LARGE1: variants seen among roughly 807,000 people sequenced by gnomAD.
LARGE1 encodes the protein xylosyl- and glucuronyltransferase LARGE1.
In LARGE1, 43 loss-of-function variants were observed where a neutral mutation model predicts 87.6. That is an observed-to-expected ratio of 0.49 (90% CI 0.38 to 0.63). LARGE1 has a LOEUF of 0.63. Ranked by LOEUF, LARGE1 falls within the 30% of genes least tolerant of loss-of-function variation. LARGE1 has a pLI of 0.00. For synonymous variants in LARGE1, 434 were observed against 394.6 expected, an observed-to-expected ratio of 1.10 and a Z score of -1.18; for missense variants, 802 against 1,000.2, an observed-to-expected ratio of 0.80 and a Z score of 2.67.
chr22:33,625,987 G>A (rs1324049056), intron 4 of LARGE1, among the ~76,000 whole-genome samples: 2 of 152,208 alleles, frequency 1.3e-5, no homozygotes, highest in African/African-American at 4.8e-5. Context: ...AGAGACTGAA[G>A]CATCAGATTT....
chr22:33,747,213 G>C (rs78592517), intron 2 of LARGE1, among the ~76,000 whole-genome samples: 6,193 of 152,216 alleles, frequency 0.041, 426 homozygotes, highest in African/African-American at 0.14. Flanking sequence ...TTCCCGAGGA[G>C]AGGAGAGCAA....
chr22:33,621,002 G>A (rs1347478482), intron 4 of LARGE1, among the ~76,000 whole-genome samples: 1 of 152,066 alleles, frequency 6.6e-6, no homozygotes, highest in Non-Finnish European at 1.5e-5. Context: ...TGTATTTTCT[G>A]CTAGTCTGCA....
At chr22:33,757,672 T>C (rs755912047) in intron 2 of LARGE1, among the ~76,000 whole-genome samples, 5 of 152,136 alleles carry the variant, frequency 3.3e-5, no homozygotes, top group Non-Finnish European at 5.9e-5. Flanking sequence ...AGTCAAAAAA[T>C]AAATAAACCC....
At chr22:33,878,129 C>CTTTTTTTTTTTTTTTTTTTTTTTTGTTTT (rs2064535576) in intron 1 of LARGE1, among the ~76,000 whole-genome samples, 1 of 44,652 alleles carries the variant, frequency 2.2e-5, no homozygotes, top group Non-Finnish European at 5.1e-5. Context: ...TATTGTATTT[C>CTTTTTTTTTTTTTTTTTTTTTTTTGTTTT]TTTTTTTTTT....
chr22:33,351,618 C>A (rs1306052076), intron 9 of LARGE1, among the ~76,000 whole-genome samples: 2 of 151,852 alleles, frequency 1.3e-5, no homozygotes, highest in South Asian at 2.1e-4. Context: ...TCTTTAATTA[C>A]AGAGAAATTC....
rs556309372 is a variant in LARGE1, at chr22:33,722,647, C to T, written c.106+38724G>A. ...TCCAACAGAGTCACAGCAGAAGGCACGTTATAGTAAGTCACCCAATGGAGG... is the reference window on the plus strand; with the variant it reads ...TCCAACAGAGTCACAGCAGAAGGCATGTTATAGTAAGTCACCCAATGGAGG... On this transcript the variant is annotated intron_variant, in intron 2 of 14. Coordinates refer to ENST00000397394, the MANE Select transcript of LARGE1 (RefSeq NM_133642.5). Among the ~76,000 whole-genome samples, 46 of 151,950 alleles carry T rather than the reference C, an allele frequency of 3.0e-4. No homozygotes were observed. The South Asian group carries it at 8.8e-3, about 29-fold the overall frequency.
chr22:33,094,571 T>C, the LARGE1 span, among the ~76,000 whole-genome samples: 4 of 152,116 alleles, frequency 2.6e-5, no homozygotes, highest in Non-Finnish European at 4.4e-5. Flanking sequence ...CTTGACATAA[T>C]GCCTTTCTCT....
At chr22:33,216,523 G>A (rs1346595441) in intron 11 of LARGE1, among the ~76,000 whole-genome samples, 1 of 151,612 alleles carries the variant, frequency 6.6e-6, no homozygotes, top group African/African-American at 2.4e-5. Flanking sequence ...CAGCTACTTG[G>A]GAGACTGAGG....
intron 1 of LARGE1, among the ~76,000 whole-genome samples, chr22:33,838,465 C>T (rs889391847): frequency 4.6e-5 from 7 of 152,032 alleles, no homozygotes; most frequent in Admixed American, 3.3e-4. Flanking sequence ...AGGGCAAGAC[C>T]CCATCTCTAC....
intron 6 of LARGE1, among the ~76,000 whole-genome samples, chr22:33,487,897 A>C (rs1159313698): frequency 6.6e-6 from 1 of 152,190 alleles, no homozygotes; most frequent in East Asian, 1.9e-4. Context: ...AATATTAAAT[A>C]ATTGTTATCA....
At chr22:33,121,709 A>C in the LARGE1 span, among the ~76,000 whole-genome samples, 1 of 152,170 alleles carries the variant, frequency 6.6e-6, no homozygotes, top group Non-Finnish European at 1.5e-5. Context: ...CTGTTCTTAC[A>C]CTGCTAATGT....
chr22:33,276,022 G>A (rs1054095421), intron 14 of LARGE1, among the ~76,000 whole-genome samples: 2 of 152,100 alleles, frequency 1.3e-5, no homozygotes, highest in Non-Finnish European at 2.9e-5. Flanking sequence ...CAACCCTAAC[G>A]CCTCTCAATC....
At chr22:33,224,949 C>G (rs1036675752) in intron 11 of LARGE1, among the ~76,000 whole-genome samples, 2 of 152,210 alleles carry the variant, frequency 1.3e-5, no homozygotes, top group Non-Finnish European at 2.9e-5. Context: ...GCAGGAAATG[C>G]TTAGGTGAGC....
intron 2 of LARGE1, among the ~76,000 whole-genome samples, chr22:33,702,134 G>A (rs1190557761): frequency 6.6e-6 from 1 of 152,194 alleles, no homozygotes; most frequent in Non-Finnish European, 1.5e-5. Context: ...ACAATGCTTG[G>A]CACATATTAT....
chr22:33,432,562 A>ATCATTCATTCATTCATTCAT (rs10626676), intron 6 of LARGE1, among the ~76,000 whole-genome samples: 1 of 150,322 alleles, frequency 6.7e-6, no homozygotes, highest in African/African-American at 2.5e-5. Context: ...AGAATCCCAA[A>ATCATTCATTCATTCATTCAT]TCATTCATTC....
chr22:33,108,325 G>A, the LARGE1 span, among the ~76,000 whole-genome samples: 256 of 152,274 alleles, frequency 1.7e-3, no homozygotes, highest in Non-Finnish European at 1.9e-3. Flanking sequence ...CCATCTCCAC[G>A]AGGGAGACAG....
the LARGE1 span, among the ~76,000 whole-genome samples, chr22:33,149,432 T>G: frequency 6.6e-6 from 1 of 152,194 alleles, no homozygotes; most frequent in Non-Finnish European, 1.5e-5. Context: ...AATCATGCTT[T>G]GGTGTTTTGT....
At chr22:33,448,557 G>C (rs1192614164) in intron 6 of LARGE1, among the ~76,000 whole-genome samples, 1 of 152,128 alleles carries the variant, frequency 6.6e-6, no homozygotes, top group Non-Finnish European at 1.5e-5. Flanking sequence ...CCAGCCCTGT[G>C]GTCTTGCTTG....
chr22:33,503,934 T>C (rs2070633935), intron 6 of LARGE1, among the ~76,000 whole-genome samples: 2 of 152,222 alleles, frequency 1.3e-5, no homozygotes, highest in Admixed American at 6.5e-5. Context: ...CATGGAATAT[T>C]ATTGTGGCAT....
Sources: allele counts gnomAD v4.1 joint callset (sites outside exome capture counted in the v4.1 genomes callset), GRCh38; gene constraint gnomAD v4.1.1; transcripts MANE v1.5; gene names NCBI Gene and HGNC (gene_info 2026-07-23, HGNC 2026-07-21).